TTC4: variants seen among roughly 807,000 people sequenced by gnomAD.
The protein encoded by TTC4 is tetratricopeptide repeat domain 4.
In TTC4, 36 loss-of-function variants were observed where a neutral mutation model predicts 51.9. That is an observed-to-expected ratio of 0.69 (90% confidence interval 0.53 to 0.92). TTC4 has a LOEUF of 0.92. TTC4 is among the 40% of genes least tolerant of loss of function. TTC4 has a pLI of 0.00. For missense variants in TTC4, 399 were observed against 454.6 expected, an observed-to-expected ratio of 0.88 and a Z score of 1.11; for synonymous variants, 144 against 164.2, an observed-to-expected ratio of 0.88 and a Z score of 0.94.
At position 54,722,748 on chromosome 1, in the gene TTC4, T is replaced by A. The variant is rs1361831789; in HGVS notation, c.543T>A (p.Asp181Glu). Residue 181 changes from aspartate (D) to glutamate (E), a missense_variant, in exon 5 of 10, where the codon GAT (aspartate) becomes GAA (glutamate). This residue lies in a region of TTC4 where 316 missense variants were observed against 349.6 expected (regional missense o/e 0.90). Coordinates refer to ENST00000371281, the MANE Select transcript of TTC4 (RefSeq NM_004623.5). ...VNWCDEGLQI[D>E]AKEKKLLEMR... ...GGTGTGATGAGGGACTGCAAATAGATGCCAAAGAGAAGAAGCTTCTGGAAA... is the reference window on the plus strand; with the variant it reads ...GGTGTGATGAGGGACTGCAAATAGAAGCCAAAGAGAAGAAGCTTCTGGAAA... The A allele has an allele frequency of 5.0e-6, 8 of 1,613,948 alleles. No homozygotes were observed. Among genetic ancestry groups the A allele is most frequent in the Non-Finnish European group, 6.8e-6 (8 of 1,179,930 alleles).
chr1:54,723,114 G>T (rs1645762932), intron 5 of TTC4, among the ~76,000 whole-genome samples: 1 of 151,666 alleles, frequency 6.6e-6, no homozygotes, highest in Non-Finnish European at 1.5e-5. Flanking sequence ...CTTTTTCTGT[G>T]TTTAGATGTG....
At chr1:54,725,343 T>C (rs1645786834) in intron 5 of TTC4, among the ~76,000 whole-genome samples, 2 of 152,086 alleles carry the variant, frequency 1.3e-5, no homozygotes, top group South Asian at 4.2e-4. Context: ...GAGCAAACAA[T>C]AGGTGCATCA....
Position 54,732,329 on chromosome 1 carries a change from AAAAAAAT to A in TTC4, c.896+636_896+642del, listed in dbSNP as rs1350513662. Among the ~76,000 whole-genome samples, 6 of 146,234 alleles carry A rather than the reference AAAAAAAT, an allele frequency of 4.1e-5. No individual in the cohort carries two copies. In the East Asian group the frequency reaches 1.0e-3, roughly 24 times the overall value. ...AAGCAAGACTCTGTCTCAAAAAAAA[AAAAAAAT>A]AAAAAAGAGATATATGTATGTCTTT... On this transcript the variant is annotated intron_variant, in intron 7 of 9. Coordinates refer to ENST00000371281, the MANE Select transcript of TTC4 (RefSeq NM_004623.5).
In TTC4 at chr1:54,736,227, G is replaced by T. The variant is rs1557753011; in HGVS notation, c.979-1355G>T. 1.3e-3 allele frequency among the ~76,000 whole-genome samples: 145 copies of T among 109,080 alleles called. 11 individuals are homozygous for T. The highest frequency in any genetic ancestry group is 6.0e-3 in the African/African-American group (129 of 21,384). The allele number at this position is 109,080 out of a possible 152,430, so 71.6% of individuals were successfully genotyped here. On this transcript the variant is annotated intron_variant, in intron 8 of 9. Coordinates refer to ENST00000371281, the MANE Select transcript of TTC4 (RefSeq NM_004623.5). ...GAGAGAGAGAGAGAGAGAGAGAAGAGGAGAGGAGAGAGAAGAGAGGAGAGA... is the reference window on the plus strand; with the variant it reads ...GAGAGAGAGAGAGAGAGAGAGAAGATGAGAGGAGAGAGAAGAGAGGAGAGA...
In TTC4 at chr1:54,727,055, C is replaced by CA. The variant is rs56739564; in HGVS notation, c.595-1275dup. The stretch of plus-strand genomic sequence containing the variant: ...CTGAATGACCAACAATCATGAAAGA[C>CA]AAAAAAAAAAAAAAAACAAAATTGG... On this transcript the variant is annotated intron_variant, in intron 5 of 9. Transcript: ENST00000371281. Among the ~76,000 whole-genome samples, 875 of 102,838 alleles carry CA rather than the reference C, an allele frequency of 8.5e-3. 11 individuals carry two copies. The highest frequency in any genetic ancestry group is 0.021 in the East Asian group (81 of 3,782). 67.5% of individuals were successfully genotyped at this position (102,838 alleles called of 152,430 possible).
chr1:54,733,817 T>A (rs1397680526), intron 8 of TTC4, 107 bp downstream of exon 8: 2 of 711,808 alleles, frequency 2.8e-6, no homozygotes, highest in Non-Finnish European at 4.5e-6. Flanking sequence ...AAAATTATAG[T>A]AAAATATACA....
rs773898955 is a variant in TTC4 at position 54,731,691 on chromosome 1, A to C, written c.887A>C (p.Glu296Ala). Residue 296 changes from glutamate (E) to alanine (A), a missense_variant, in exon 7 of 10, where the codon GAG (glutamate) becomes GCG (alanine). Glu to Ala is a moderately radical substitution (Grantham distance 107). Transcript: ENST00000371281. ...AQSDFISAFH[E>A]DSRFIDHLMV... Reference sequence around the variant, plus strand: ...TCGGACTTCATCTCTGCTTTTCATGAGGACTCCAGGTACTGACTTGCCCAG... The same window carrying C: ...TCGGACTTCATCTCTGCTTTTCATGCGGACTCCAGGTACTGACTTGCCCAG... The C allele has an allele frequency of 6.2e-7, 1 of 1,613,920 alleles. No individual in the cohort carries two copies. The highest frequency in any genetic ancestry group is 2.2e-5 in the East Asian group (1 of 44,870).
At position 54,733,712 on chromosome 1, in the gene TTC4, T is replaced by G; in HGVS notation, c.978+2T>G. 2 of 1,577,046 alleles carry G rather than the reference T, an allele frequency of 1.3e-6. No homozygotes were observed. The highest frequency in any genetic ancestry group is 1.7e-6 in the Non-Finnish European group (2 of 1,158,036). On this transcript the variant is annotated splice_donor_variant, in intron 8 of 9. Transcript: ENST00000371281. LOFTEE classifies it high-confidence loss of function. ...AAATATTGCCCTGATAATTTGGAGG[T>G]AAGAGAAGTTTTATTTCGTTCCTCT... is the stretch of plus-strand genomic sequence containing the variant.
At chr1:54,721,792 T>G (rs1342388726) in intron 4 of TTC4, among the ~76,000 whole-genome samples, 1 of 152,240 alleles carries the variant, frequency 6.6e-6, no homozygotes, top group African/African-American at 2.4e-5. Flanking sequence ...TTTTCAAAAT[T>G]ATGCCTCTTT....
At chr1:54,733,569 C>A (rs137973317) in intron 7 of TTC4, 60 bp from the exon 8 acceptor site, 2 of 1,354,472 alleles carry the variant, frequency 1.5e-6, no homozygotes, top group Non-Finnish European at 2.1e-6. Context: ...GTCTGGGGAC[C>A]GATGTGGGAA....
At chr1:54,740,427 C>G (rs1294244049) in intron 9 of TTC4, among the ~76,000 whole-genome samples, 1 of 152,072 alleles carries the variant, frequency 6.6e-6, no homozygotes, top group Non-Finnish European at 1.5e-5. Flanking sequence ...CTCTCTTCTT[C>G]TAGTTTTTGG....
intron 8 of TTC4, 55 bp downstream of exon 8, chr1:54,733,765 T>A (rs1645900645): frequency 1.6e-5 from 15 of 956,744 alleles, no homozygotes; most frequent in South Asian, 7.3e-5. Flanking sequence ...TTTTTTTTTT[T>A]TTTTTTTTGC....
chr1:54,722,444 A>G (rs925146959), intron 4 of TTC4, among the ~76,000 whole-genome samples: 4 of 152,210 alleles, frequency 2.6e-5, no homozygotes, highest in Non-Finnish European at 5.9e-5. Context: ...AAGAGCCCTT[A>G]ATACCAGGGA....
intron 3 of TTC4, among the ~76,000 whole-genome samples, chr1:54,719,005 C>T (rs1450286871): frequency 6.6e-6 from 1 of 151,952 alleles, no homozygotes; most frequent in Non-Finnish European, 1.5e-5. Context: ...TTTTGGAAAT[C>T]CTGGCTGCTG....
intron 7 of TTC4, among the ~76,000 whole-genome samples, chr1:54,732,910 A>G (rs1192226091): frequency 6.6e-6 from 1 of 151,830 alleles, no homozygotes; most frequent in African/African-American, 2.4e-5. Flanking sequence ...ACATGGCAAA[A>G]TCCCGTGCCT....
chr1:54,737,451 G>C, intron 8 of TTC4, 131 bp from the exon 9 acceptor site: 1 of 703,024 alleles, frequency 1.4e-6, no homozygotes, highest in Non-Finnish European at 2.3e-6. Flanking sequence ...AAAGCACCCA[G>C]CTACACAACC....
rs1287238947 is a variant in TTC4 at position 54,731,493 on chromosome 1, A to G, written c.689A>G (p.Asn230Ser). 1 of 1,613,942 alleles carries G rather than the reference A, an allele frequency of 6.2e-7. No individual in the cohort carries two copies. Among genetic ancestry groups the G allele is most frequent in the Non-Finnish European group, 8.5e-7 (1 of 1,179,858 alleles). Residue 230 changes from asparagine (N) to serine (S), a missense_variant, in exon 7 of 10, where the codon AAT (asparagine) becomes AGT (serine). Physicochemically the swap from Asn to Ser is conservative, Grantham distance 46. This residue lies in a region of TTC4 where 316 missense variants were observed against 349.6 expected (regional missense o/e 0.90). Coordinates refer to ENST00000371281, the MANE Select transcript of TTC4 (RefSeq NM_004623.5). ...TTTCTGTCTTTAACCCAGGCTAGGA[A>G]TATCAGGCTCTCAGAAGCTGCCTGT... ...EALLQAIKAR[N>S]IRLSEAACED...
intron 5 of TTC4, among the ~76,000 whole-genome samples, chr1:54,727,998 G>A (rs1645821703): frequency 6.6e-6 from 1 of 152,098 alleles, no homozygotes; most frequent in African/African-American, 2.4e-5. Context: ...TAGAGACAGG[G>A]TTTCTGTCAC....
In TTC4 at chr1:54,741,457, T is replaced by G; in HGVS notation, c.1108T>G (p.Ser370Ala). The change falls in exon 10 of 10, where the codon TCC becomes GCC. Residue 370 changes from serine to alanine, a missense_variant. By Grantham distance (99) the Ser-to-Ala change is moderately conservative. Transcript: ENST00000371281. ...ACCAGCATTTTTGGTCTGTGTAGGATCCTCTCCTTTTTGCAAGAATTTTCT... is the reference window on the plus strand; with the variant it reads ...ACCAGCATTTTTGGTCTGTGTAGGAGCCTCTCCTTTTTGCAAGAATTTTCT... ...LTPAFLVCVG[S>A]SPFCKNFLRG... 1 of 1,614,124 alleles carries G rather than the reference T, an allele frequency of 6.2e-7. No individual in the cohort carries two copies. Among genetic ancestry groups the G allele is most frequent in the South Asian group, 1.1e-5 (1 of 91,078 alleles).
Sources: gnomAD v4.1 joint callset for allele counts (sites outside exome capture counted in the v4.1 genomes callset) on GRCh38, gnomAD v4.1.1 for gene constraint, gnomAD v4.1.1 regional missense constraint, MANE v1.5 for transcripts, NCBI Gene and HGNC (gene_info 2026-07-23, HGNC 2026-07-21) for gene names.